FANCL: variants seen among roughly 807,000 people sequenced by gnomAD.
The protein encoded by FANCL is FA complementation group L.
In FANCL, 69 loss-of-function variants were observed where a neutral mutation model predicts 59.4. That is an observed-to-expected ratio of 1.16 (90% CI 0.96 to 1.42). The LOEUF (loss-of-function observed/expected upper bound fraction) is 1.42, where lower values mean the gene tolerates loss of function less well. FANCL is among the 40% of genes most tolerant of loss of function. FANCL has a pLI of 0.00. For missense variants in FANCL, 519 were observed against 447.2 expected, an observed-to-expected ratio of 1.16 and a Z score of -1.45; for synonymous variants, 180 against 147.1, an observed-to-expected ratio of 1.22 and a Z score of -1.62.
intron 5 of FANCL, among the ~76,000 whole-genome samples, chr2:58,210,924 C>T (rs553657353): frequency 6.6e-6 from 1 of 152,158 alleles, no homozygotes; most frequent in African/African-American, 2.4e-5. Flanking sequence ...GGGTATGGCA[C>T]CCCCACCCGG....
chr2:58,181,139 G>T (rs193143949), intron 7 of FANCL, among the ~76,000 whole-genome samples: 1 of 151,958 alleles, frequency 6.6e-6, no homozygotes, highest in Non-Finnish European at 1.5e-5. Context: ...CCAAAAACTG[G>T]TAACAGTCCA....
chr2:58,174,658 T>A (rs1330295741), intron 7 of FANCL, among the ~76,000 whole-genome samples: 1 of 152,114 alleles, frequency 6.6e-6, no homozygotes, highest in Non-Finnish European at 1.5e-5. Context: ...GGGAAATTTA[T>A]AGCACTAAAT....
At chr2:58,231,599 C>T (rs1693583944) in intron 2 of FANCL, among the ~76,000 whole-genome samples, 1 of 152,068 alleles carries the variant, frequency 6.6e-6, no homozygotes, top group African/African-American at 2.4e-5. Flanking sequence ...GGGGTGGTAC[C>T]TAAATTTTCA....
intron 5 of FANCL, among the ~76,000 whole-genome samples, chr2:58,214,208 G>C (rs1164162695): frequency 1.3e-5 from 2 of 152,150 alleles, no homozygotes; most frequent in African/African-American, 2.4e-5. Context: ...ATTGTGATAA[G>C]TGACATATGA....
At chr2:58,223,450 T>C (rs1410755655) in intron 4 of FANCL, among the ~76,000 whole-genome samples, 3 of 151,962 alleles carry the variant, frequency 2.0e-5, no homozygotes, top group Non-Finnish European at 4.4e-5. Flanking sequence ...AAATTGAAGG[T>C]AAAAATAAAC....
chr2:58,207,418 G>C (rs1418586521), intron 5 of FANCL, among the ~76,000 whole-genome samples: 2 of 152,188 alleles, frequency 1.3e-5, no homozygotes, highest in Admixed American at 1.3e-4. Context: ...AATGTCAATA[G>C]CCACACATGG....
chr2:58,217,910 T>C (rs1188520117), intron 5 of FANCL, among the ~76,000 whole-genome samples: 1 of 151,998 alleles, frequency 6.6e-6, no homozygotes, highest in Non-Finnish European at 1.5e-5. Context: ...TCTTCTTAAG[T>C]GGAAATAGAA....
At chr2:58,177,190 A>AT (rs1278564444) in intron 7 of FANCL, among the ~76,000 whole-genome samples, 2 of 152,200 alleles carry the variant, frequency 1.3e-5, no homozygotes, top group African/African-American at 4.8e-5. Flanking sequence ...GTGGGACTGT[A>AT]AACTAGTTCA....
intron 5 of FANCL, among the ~76,000 whole-genome samples, chr2:58,205,639 A>G (rs1690506419): frequency 6.6e-6 from 1 of 152,112 alleles, no homozygotes; most frequent in South Asian, 2.1e-4. Context: ...ACAAAAAAAG[A>G]AGAAGGAATA....
intron 5 of FANCL, among the ~76,000 whole-genome samples, chr2:58,214,714 G>A (rs565480207): frequency 1.3e-5 from 2 of 152,000 alleles, no homozygotes; most frequent in South Asian, 4.2e-4. Flanking sequence ...GTTTCACCAT[G>A]TTGCCCAGGT....
intron 8 of FANCL, among the ~76,000 whole-genome samples, chr2:58,164,201 A>G (rs934900527): frequency 1.1e-4 from 16 of 152,100 alleles, no homozygotes; most frequent in Non-Finnish European, 1.3e-4. Context: ...TTTTACTTCT[A>G]TTTTTTGAAG....
chr2:58,226,859 G>A, intron 3 of FANCL, 75 bp from the exon 4 acceptor site: 1 of 1,232,158 alleles, frequency 8.1e-7, no homozygotes, highest in Non-Finnish European at 1.2e-6. Context: ...AAAAAATGTA[G>A]GCCCAAGTGA....
intron 2 of FANCL, 88 bp downstream of exon 2, chr2:58,231,966 T>G: frequency 9.0e-7 from 1 of 1,115,696 alleles, no homozygotes; most frequent in Non-Finnish European, 1.4e-6. Context: ...TAGGCAAAAC[T>G]CTAGTCACTA....
chr2:58,173,853 A>C (rs955126922), intron 7 of FANCL, among the ~76,000 whole-genome samples: 4 of 152,184 alleles, frequency 2.6e-5, no homozygotes, highest in African/African-American at 7.2e-5. Context: ...AATTGGATAA[A>C]GAGTCAAGAC....
chr2:58,228,182 C>T (rs1216225147), intron 3 of FANCL, among the ~76,000 whole-genome samples: 3 of 151,904 alleles, frequency 2.0e-5, no homozygotes, highest in East Asian at 3.9e-4. Context: ...TAAAGTAAAA[C>T]CTGTTATAAT....
At chr2:58,171,630 G>A (rs1686624950) in intron 7 of FANCL, among the ~76,000 whole-genome samples, 1 of 152,188 alleles carries the variant, frequency 6.6e-6, no homozygotes, top group South Asian at 2.1e-4. Context: ...TTGGAGCCAA[G>A]ATGGCCGAAT....
At chr2:58,241,093 T>C (rs955068308) in intron 1 of FANCL, 125 bp downstream of exon 1, 7 of 994,272 alleles carry the variant, frequency 7.0e-6, no homozygotes, top group East Asian at 5.2e-5. Flanking sequence ...CCAAGAGCCG[T>C]TACGCGCCGC....
At position 58,217,489 on chromosome 2, in the gene FANCL, G is replaced by T. The variant is rs150586924; in HGVS notation, c.374+4453C>A. The stretch of plus-strand genomic sequence containing the variant: ...GAATTTCAATACAGCATTAAAATCT[G>T]TTTTAAAAAAATGCAAATGGTAAAG... On this transcript the variant is annotated intron_variant, in intron 5 of 13. Coordinates refer to ENST00000233741, the MANE Select transcript of FANCL (RefSeq NM_018062.4). 1.6e-3 allele frequency among the ~76,000 whole-genome samples: 238 copies of T among 151,534 alleles called. 1 individual carries two copies. The highest frequency in any genetic ancestry group is 5.5e-3 in the African/African-American group (229 of 41,304).
At chr2:58,174,560 G>C (rs1687069503) in intron 7 of FANCL, among the ~76,000 whole-genome samples, 1 of 152,038 alleles carries the variant, frequency 6.6e-6, no homozygotes, top group African/African-American at 2.4e-5. Flanking sequence ...ACAAAATGAA[G>C]GCAGAAATAA....
Sources: gnomAD v4.1 joint callset for allele counts (sites outside exome capture counted in the v4.1 genomes callset) on GRCh38, gnomAD v4.1.1 for gene constraint, MANE v1.5 for transcripts, NCBI Gene and HGNC (gene_info 2026-07-23, HGNC 2026-07-21) for gene names.